Variants in ITPR2 observed in about 807,000 individuals in gnomAD.
ITPR2 encodes the protein inositol 1,4,5-trisphosphate receptor type 2.
In ITPR2, 207 loss-of-function variants were observed where a neutral mutation model predicts 317.1. That is an observed-to-expected ratio of 0.65 (90% CI 0.58 to 0.73). The LOEUF (loss-of-function observed/expected upper bound fraction) is 0.73, where lower values mean the gene tolerates loss of function less well. Among genes scored for constraint, ITPR2 ranks in the 30% least tolerant of loss-of-function variants. The pLI is 0.00. For synonymous variants in ITPR2, 1,156 were observed against 1,149.1 expected, an observed-to-expected ratio of 1.01 and a Z score of -0.12; for missense variants, 2,613 against 3,284.0, an observed-to-expected ratio of 0.80 and a Z score of 4.99.
In ITPR2 at chr12:26,605,126, A is replaced by AAAAAATATATATATATATAT; in HGVS notation, c.3463-2421_3463-2420insATATATATATATATATTTTT. On this transcript the variant is annotated intron_variant, in intron 26 of 56. Transcript: ENST00000381340. ...ATAAAAATAAAAAATAAAAAATAAA[A>AAAAAATATATATATATATAT]ATATATATATATATATGAGAAAGTG... 2.9e-5 allele frequency among the ~76,000 whole-genome samples: 4 copies of AAAAAATATATATATATATAT among 136,324 alleles called. No individual in the cohort carries two copies. In the South Asian group the frequency reaches 7.1e-4, roughly 24 times the overall value. The allele number at this position is 136,324 out of a possible 152,430, so 89.4% of individuals were successfully genotyped here. A position where few individuals can be genotyped will look rare whatever the true frequency, so the allele number is the denominator to read the frequency against.
In ITPR2 at chr12:26,716,246, G is replaced by A; in HGVS notation, c.526-4C>T. 1 of 1,595,104 alleles carries A rather than the reference G, an allele frequency of 6.3e-7. No homozygotes were observed. The highest frequency in any genetic ancestry group is 8.6e-7 in the Non-Finnish European group (1 of 1,163,704). ...CAACTTTATCTCCTACAACAATCTA[G>A]GAAGCAGAAATAAATCACAATTGAG... On this transcript the variant is annotated splice_polypyrimidine_tract_variant and splice_region_variant and intron_variant, in intron 5 of 56. Coordinates refer to ENST00000381340, the MANE Select transcript of ITPR2 (RefSeq NM_002223.4).
At chr12:26,569,884 T>C (rs924372917) in intron 34 of ITPR2, among the ~76,000 whole-genome samples, 10 of 152,182 alleles carry the variant, frequency 6.6e-5, no homozygotes, top group Non-Finnish European at 1.0e-4. Flanking sequence ...GAGGGCAGCA[T>C]CCGTCAGAAG....
At chr12:26,666,993 T>C (rs1285543868) in intron 13 of ITPR2, among the ~76,000 whole-genome samples, 2 of 152,206 alleles carry the variant, frequency 1.3e-5, no homozygotes, top group African/African-American at 4.8e-5. Context: ...AATGGTAAAG[T>C]ACAACTTAAT....
At chr12:26,485,834 G>C (rs1395157315) in intron 41 of ITPR2, among the ~76,000 whole-genome samples, 2 of 152,182 alleles carry the variant, frequency 1.3e-5, no homozygotes, top group Admixed American at 1.3e-4. Flanking sequence ...AGGAAGACAG[G>C]ATGCCCACTG....
At chr12:26,537,912 A>G (rs1007133857) in intron 37 of ITPR2, among the ~76,000 whole-genome samples, 2 of 152,248 alleles carry the variant, frequency 1.3e-5, no homozygotes, top group Non-Finnish European at 2.9e-5. Flanking sequence ...CAAGCACCAG[A>G]TGGAATATGC....
chr12:26,608,196 G>A (rs1946181830), intron 26 of ITPR2, among the ~76,000 whole-genome samples: 1 of 152,304 alleles, frequency 6.6e-6, no homozygotes, highest in African/African-American at 2.4e-5. Context: ...ATTTGATAAT[G>A]TTTAACCTGA....
At chr12:26,696,475 T>C (rs1017118324) in intron 9 of ITPR2, among the ~76,000 whole-genome samples, 3 of 152,140 alleles carry the variant, frequency 2.0e-5, no homozygotes, top group African/African-American at 7.2e-5. Flanking sequence ...GTCTTTCTCA[T>C]AATACCACTT....
At chr12:26,807,030 A>G (rs1027351848) in intron 1 of ITPR2, among the ~76,000 whole-genome samples, 5 of 152,100 alleles carry the variant, frequency 3.3e-5, no homozygotes, top group African/African-American at 1.2e-4. Context: ...CTCTACTAAA[A>G]ATACAAAAAT....
chr12:26,413,741 A>C (rs1355596247), intron 51 of ITPR2, among the ~76,000 whole-genome samples: 1 of 152,312 alleles, frequency 6.6e-6, no homozygotes, highest in Middle Eastern at 3.4e-3. Flanking sequence ...AAATATTTTT[A>C]AGTAAAGAGC....
At chr12:26,381,526 C>T (rs148025546) in intron 55 of ITPR2, among the ~76,000 whole-genome samples, 8 of 152,260 alleles carry the variant, frequency 5.3e-5, no homozygotes, top group Admixed American at 3.3e-4. Context: ...ATATTACCTG[C>T]CCTGGTATTG....
At chr12:26,425,036 C>T (rs1326779076) in intron 49 of ITPR2, among the ~76,000 whole-genome samples, 1 of 152,026 alleles carries the variant, frequency 6.6e-6, no homozygotes, top group Admixed American at 6.6e-5. Flanking sequence ...GCTGGGATTA[C>T]AGGCATCAGT....
chr12:26,811,527 C>T (rs1950746822), intron 1 of ITPR2, among the ~76,000 whole-genome samples: 1 of 151,382 alleles, frequency 6.6e-6, no homozygotes, highest in African/African-American at 2.4e-5. Context: ...GGGCGGATCA[C>T]GAGGTCAGGA....
At chr12:26,792,873 C>T (rs934658999) in intron 1 of ITPR2, among the ~76,000 whole-genome samples, 1 of 152,184 alleles carries the variant, frequency 6.6e-6, no homozygotes, top group Non-Finnish European at 1.5e-5. Context: ...AGGAGTTCAA[C>T]ATCCTTCATA....
At chr12:26,602,125 G>A (rs1946013518) in intron 28 of ITPR2, among the ~76,000 whole-genome samples, 1 of 152,092 alleles carries the variant, frequency 6.6e-6, no homozygotes, top group Non-Finnish European at 1.5e-5. Context: ...TCTGAGTAGC[G>A]TGTAGGGACT....
At chr12:26,832,584 G>C (rs988119206) in intron 1 of ITPR2, 106 bp downstream of exon 1, 14 of 780,250 alleles carry the variant, frequency 1.8e-5, no homozygotes, top group Non-Finnish European at 2.7e-5. Context: ...CTGCCCGGCC[G>C]GGCCACCACG....
chr12:26,729,442 T>C (rs1948990661), intron 2 of ITPR2, among the ~76,000 whole-genome samples: 1 of 152,038 alleles, frequency 6.6e-6, no homozygotes. Flanking sequence ...ACCCAGCAAT[T>C]TCATTACTGG....
At position 26,715,479 on chromosome 12, in the gene ITPR2, A is replaced by T. The variant is rs751463786; in HGVS notation, c.709-34T>A. 1.9e-6 allele frequency: 3 copies of T among 1,585,768 alleles called. No individual in the cohort carries two copies. In the East Asian group the frequency reaches 6.7e-5, roughly 36 times the overall value. ...AAGGTCAAGAGACATCTGAACAAAC[A>T]GATGTGAGAAGCAGGTGTCTCTTTC... On this transcript the variant is annotated intron_variant, in intron 7 of 56. Transcript: ENST00000381340.
intron 9 of ITPR2, among the ~76,000 whole-genome samples, chr12:26,704,414 T>C (rs967027173): frequency 5.3e-5 from 8 of 152,232 alleles, no homozygotes; most frequent in African/African-American, 9.6e-5. Context: ...CTGTGTGTTA[T>C]ACCTGACATA....
At chr12:26,627,921 T>A (rs1448269367) in intron 23 of ITPR2, 112 bp downstream of exon 23, 6 of 955,976 alleles carry the variant, frequency 6.3e-6, no homozygotes, top group Non-Finnish European at 9.2e-6. Context: ...TAAAGTATAA[T>A]AAAAAAATTT....
Sources: allele counts gnomAD v4.1 joint callset (sites outside exome capture counted in the v4.1 genomes callset), GRCh38; gene constraint gnomAD v4.1.1; transcripts MANE v1.5; gene names NCBI Gene and HGNC (gene_info 2026-07-23, HGNC 2026-07-21).